Variants in ZNF567 observed in about 807,000 individuals in gnomAD.
ZNF567 encodes zinc finger protein 567.
A neutral mutation model predicts 53.9 loss-of-function variants in ZNF567; 36 were observed. The observed-to-expected ratio is 0.67, with a 90% confidence interval of 0.51 to 0.88. The LOEUF (loss-of-function observed/expected upper bound fraction) is 0.88, where lower values mean the gene tolerates loss of function less well. Ranked by LOEUF, ZNF567 falls within the 40% of genes least tolerant of loss-of-function variation. The pLI, the probability that ZNF567 is intolerant of heterozygous loss-of-function variation, is 0.00. For missense variants in ZNF567, 619 were observed against 764.7 expected, an observed-to-expected ratio of 0.81 and a Z score of 2.25; for synonymous variants, 224 against 260.4, an observed-to-expected ratio of 0.86 and a Z score of 1.35.
At chr19:36,671,046 G>GAGCTA in the ZNF567 span, among the ~76,000 whole-genome samples, 1 of 152,198 alleles carries the variant, frequency 6.6e-6, no homozygotes, top group Non-Finnish European at 1.5e-5. Context: ...AGGTTGCAGT[G>GAGCTA]AGCTGAGATC....
downstream of ZNF567, among the ~76,000 whole-genome samples, chr19:36,725,696 T>C (rs1162118522): frequency 6.6e-6 from 1 of 152,168 alleles, no homozygotes; most frequent in African/African-American, 2.4e-5. Flanking sequence ...TCACCCAGTC[T>C]GGAGTGCAGT....
At chr19:36,727,006 C>CTTTG, downstream of ZNF567, 1 of 60,062 alleles carries the variant, frequency 1.7e-5, no homozygotes, top group South Asian at 5.1e-4. Context: ...TTCTTTCTTT[C>CTTTG]TTTCCTTTTT....
intron 3 of ZNF567, among the ~76,000 whole-genome samples, chr19:36,699,098 A>G (rs1356538033): frequency 1.3e-5 from 2 of 152,042 alleles, no homozygotes; most frequent in South Asian, 2.1e-4. Flanking sequence ...TAATTTTTGT[A>G]TAAGGTGTAA....
intron 3 of ZNF567, among the ~76,000 whole-genome samples, chr19:36,697,918 CT>C (rs71171464): frequency 0.4 from 53,633 of 135,612 alleles, 9,325 homozygotes; most frequent in East Asian, 0.61. Flanking sequence ...GCTGGAATTT[CT>C]TTTTTTTTTT....
At chr19:36,702,160 A>G (rs561417011) in intron 3 of ZNF567, among the ~76,000 whole-genome samples, 30 of 152,140 alleles carry the variant, frequency 2.0e-4, no homozygotes, top group African/African-American at 6.7e-4. Context: ...TCTGTAAAGT[A>G]TTGTATTTCT....
upstream of ZNF567, among the ~76,000 whole-genome samples, chr19:36,686,198 A>G (rs1191507939): frequency 6.6e-6 from 1 of 152,212 alleles, no homozygotes; most frequent in East Asian, 1.9e-4. Context: ...TTGCTGAAAA[A>G]CAAAATCAAA....
At chr19:36,712,603 T>C in intron 4 of ZNF567, 91 bp downstream of exon 4, 2 of 1,551,506 alleles carry the variant, frequency 1.3e-6, no homozygotes, top group Non-Finnish European at 1.8e-6. Flanking sequence ...GAATAAGAGG[T>C]GATGAATTCC....
intron 3 of ZNF567, among the ~76,000 whole-genome samples, chr19:36,695,386 G>A (rs1600506083): frequency 6.6e-6 from 1 of 151,808 alleles, no homozygotes; most frequent in South Asian, 2.1e-4. Context: ...AAAATTAGCT[G>A]GGCTTGGTGG....
chr19:36,703,312 G>A lies in ZNF567; in HGVS notation c.9+8436G>A, dbSNP rs750909299. Among the ~76,000 whole-genome samples the A allele has an allele frequency of 2.6e-5, 4 of 151,950 alleles. No homozygotes were observed. In the South Asian group the frequency reaches 6.2e-4, roughly 24 times the overall value. ...TTTTGTCTCAGAGGAGTACCCGGCC[G>A]TGTGAGGTGTCAGTCTGCCCCTACT... On this transcript the variant is annotated intron_variant, in intron 3 of 5. Coordinates refer to ENST00000682579, the MANE Select transcript of ZNF567 (RefSeq NM_001322917.1).
chr19:36,706,832 T>A (rs1325336656), intron 3 of ZNF567, among the ~76,000 whole-genome samples: 1 of 151,642 alleles, frequency 6.6e-6, no homozygotes, highest in African/African-American at 2.4e-5. Context: ...ATTTTTAAAT[T>A]TTTTATAGAG....
chr19:36,682,081 G>C, the ZNF567 span, among the ~76,000 whole-genome samples: 1 of 151,978 alleles, frequency 6.6e-6, no homozygotes, highest in Non-Finnish European at 1.5e-5. Flanking sequence ...TTCAAGATCA[G>C]CCCGGGGAAC....
chr19:36,719,126 T>C lies in ZNF567; in HGVS notation c.402T>C (p.Tyr134=). ...ATTCAAAAAATCTACCTCCTGAATA[T>C]GATACTCATGGAAGGATTTTGAAAA... The part of the protein sequence containing the change: ...PVNSKNLPPE[Y]DTHGRILKNV... The change falls in exon 6 of 6, where the codon TAT becomes TAC. Residue 134 remains tyrosine (Y), a synonymous_variant. Coordinates refer to ENST00000682579, the MANE Select transcript of ZNF567 (RefSeq NM_001322917.1). The C allele has an allele frequency of 6.2e-7, 1 of 1,611,776 alleles. No individual in the cohort carries two copies. The highest frequency in any genetic ancestry group is 1.1e-5 in the South Asian group (1 of 90,182).
the ZNF567 span, among the ~76,000 whole-genome samples, chr19:36,679,429 A>C: frequency 6.6e-6 from 1 of 152,222 alleles, no homozygotes; most frequent in Non-Finnish European, 1.5e-5. Context: ...CCATTTTGGG[A>C]AACAGTGTAG....
chr19:36,667,751 G>T, the ZNF567 span, among the ~76,000 whole-genome samples: 8 of 148,954 alleles, frequency 5.4e-5, no homozygotes, highest in Non-Finnish European at 1.0e-4. Context: ...CCGGGTTCAC[G>T]CCATTCTCCT....
At chr19:36,694,272 A>G (rs975880855) in intron 2 of ZNF567, among the ~76,000 whole-genome samples, 10 of 152,218 alleles carry the variant, frequency 6.6e-5, no homozygotes, top group Non-Finnish European at 1.5e-4. Context: ...TTCAGAAAAT[A>G]AAAATGATAG....
chr19:36,667,247 A>C, the ZNF567 span, among the ~76,000 whole-genome samples: 1 of 152,202 alleles, frequency 6.6e-6, no homozygotes. Context: ...GATTTAAAAA[A>C]AAATTTTTTT....
chr19:36,673,027 A>T, the ZNF567 span, among the ~76,000 whole-genome samples: 1 of 152,194 alleles, frequency 6.6e-6, no homozygotes, highest in Non-Finnish European at 1.5e-5. Context: ...CATCCCTTTC[A>T]TATCTCTTTA....
At chr19:36,672,015 C>T in the ZNF567 span, among the ~76,000 whole-genome samples, 401 of 152,316 alleles carry the variant, frequency 2.6e-3, 1 homozygote, top group Non-Finnish European at 4.6e-3. Flanking sequence ...ATGGGGAGTT[C>T]CCTATGATCA....
At chr19:36,687,110 A>G (rs1331741675), upstream of ZNF567, among the ~76,000 whole-genome samples, 1 of 151,848 alleles carries the variant, frequency 6.6e-6, no homozygotes, top group Non-Finnish European at 1.5e-5. Context: ...CCCGTTACAC[A>G]CACAACACCA....
Sources: allele counts gnomAD v4.1 joint callset (sites outside exome capture counted in the v4.1 genomes callset), GRCh38; gene constraint gnomAD v4.1.1; transcripts MANE v1.5; gene names NCBI Gene and HGNC (gene_info 2026-07-23, HGNC 2026-07-21).